PTDSS1: variants seen among roughly 807,000 people sequenced by gnomAD.
The protein encoded by PTDSS1 is phosphatidylserine synthase 1, also known as PSS-1.
A neutral mutation model predicts 70.5 loss-of-function variants in PTDSS1; 45 were observed. The observed-to-expected ratio is 0.64, with a 90% CI of 0.50 to 0.82. The LOEUF is 0.82. PTDSS1 is among the 40% of genes least tolerant of loss of function. PTDSS1 has a pLI of 0.00. For synonymous variants in PTDSS1, 188 were observed against 203.8 expected, an observed-to-expected ratio of 0.92 and a Z score of 0.66; for missense variants, 417 against 586.1, an observed-to-expected ratio of 0.71 and a Z score of 2.98.
Position 96,334,914 on chromosome 8 carries a change from G to A in PTDSS1, c.*1348G>A, listed in dbSNP as rs751994784. ...TTCACACAGCACAAAGGTTCGTTCT[G>A]ATGTTTCTTCTTCTTTAAGGAAATC... On this transcript the variant is annotated 3_prime_UTR_variant, in exon 13 of 13. Coordinates refer to ENST00000517309, the MANE Select transcript of PTDSS1 (RefSeq NM_014754.3). 2.6e-5 allele frequency: 4 copies of A among 152,086 alleles called. No individual in the cohort carries two copies. Among genetic ancestry groups the A allele is most frequent in the Non-Finnish European group, 5.9e-5 (4 of 68,008 alleles). The allele number at this position is 152,086 out of a possible 1,614,324, so 9.4% of individuals were successfully genotyped here.
chr8:96,281,594 C>T (rs542567379), intron 2 of PTDSS1, among the ~76,000 whole-genome samples: 101 of 152,294 alleles, frequency 6.6e-4, no homozygotes, highest in African/African-American at 2.4e-3. Flanking sequence ...AAAGCCTGCG[C>T]CATGCCTTTC....
At chr8:96,300,873 T>C (rs1421844457) in intron 6 of PTDSS1, among the ~76,000 whole-genome samples, 1 of 152,206 alleles carries the variant, frequency 6.6e-6, no homozygotes, top group African/African-American at 2.4e-5. Flanking sequence ...ATCGCCTTTT[T>C]TTTGGTAAAT....
chr8:96,328,966 G>C (rs568220956), intron 10 of PTDSS1, among the ~76,000 whole-genome samples: 1 of 152,304 alleles, frequency 6.6e-6, no homozygotes, highest in South Asian at 2.1e-4. Flanking sequence ...CCAGATCCGG[G>C]GGTTTCAAGA....
rs768603335 is a variant in PTDSS1, at chr8:96,262,239, C to CG, written c.179+26dup. ...TACCAGGTGGGGCGGCCCAGCCGAGCGGGGGGCGCGTCCAAGGGCTAGGGA... is the reference window on the plus strand; with the variant it reads ...TACCAGGTGGGGCGGCCCAGCCGAGCGGGGGGGCGCGTCCAAGGGCTAGGGA... On this transcript the variant is annotated intron_variant, in intron 1 of 12. Transcript: ENST00000517309. This position sits in a 1 kb window ranked among gnomAD's most constrained non-coding sequence, Gnocchi z 4.4. 3.7e-6 allele frequency: 4 copies of CG among 1,083,048 alleles called. No homozygotes were observed. The highest frequency in any genetic ancestry group is 1.8e-5 in the African/African-American group (1 of 55,052). The allele number at this position is 1,083,048 out of a possible 1,614,324, so 67.1% of individuals were successfully genotyped here. A position where few individuals can be genotyped will look rare whatever the true frequency, so the allele number is the denominator to read the frequency against.
chr8:96,297,911 G>A lies in PTDSS1; in HGVS notation c.601-1783G>A, dbSNP rs370855267. 2.6e-5 allele frequency among the ~76,000 whole-genome samples: 4 copies of A among 152,360 alleles called. No homozygotes were observed. The East Asian group carries it at 7.7e-4, about 29-fold the overall frequency. On this transcript the variant is annotated intron_variant, in intron 5 of 12. Transcript: ENST00000517309. Reference sequence around the variant, plus strand: ...TACATGGCAGATGCTCCACAAATCTGTAGTGAATGAAAGAATGCAGCCCCC... The same window carrying A: ...TACATGGCAGATGCTCCACAAATCTATAGTGAATGAAAGAATGCAGCCCCC...
chr8:96,320,202 G>A (rs1383612119), intron 9 of PTDSS1, 44 bp from the exon 10 acceptor site: 1 of 1,487,042 alleles, frequency 6.7e-7, no homozygotes, highest in Non-Finnish European at 9.4e-7. Context: ...TGTATGCTCT[G>A]GTAAGATGGA....
chr8:96,301,605 C>T lies in PTDSS1; in HGVS notation c.752+1760C>T, dbSNP rs567098655. Among the ~76,000 whole-genome samples, 21 of 152,010 alleles carry T rather than the reference C, an allele frequency of 1.4e-4. No individual in the cohort carries two copies. The East Asian group carries it at 1.9e-3, about 14-fold the overall frequency. ...CACAATCTCGGCTCACTGCAACCTC[C>T]GCCTCCCAGGTTCAAGCGATTTTCC... On this transcript the variant is annotated intron_variant, in intron 6 of 12. Transcript: ENST00000517309.
At chr8:96,317,071 G>GTGTGTGTGTA (rs33916906) in intron 9 of PTDSS1, among the ~76,000 whole-genome samples, 7,592 of 148,482 alleles carry the variant, frequency 0.051, 620 homozygotes, top group African/African-American at 0.18. Context: ...GTGTGTGTGT[G>GTGTGTGTGTA]TATATATATA....
intron 9 of PTDSS1, among the ~76,000 whole-genome samples, chr8:96,318,197 C>T (rs1159777016): frequency 3.3e-5 from 5 of 151,474 alleles, no homozygotes; most frequent in African/African-American, 1.2e-4. Flanking sequence ...TGGTGGCAGG[C>T]GCCTGTAGTC....
intron 7 of PTDSS1, 98 bp downstream of exon 7, chr8:96,304,279 G>A: frequency 7.4e-7 from 1 of 1,344,320 alleles, no homozygotes; most frequent in Non-Finnish European, 1.0e-6. Flanking sequence ...TTGCTTTTCA[G>A]CTCCATACTT....
At chr8:96,308,978 C>A (rs1811166320) in intron 8 of PTDSS1, among the ~76,000 whole-genome samples, 1 of 152,034 alleles carries the variant, frequency 6.6e-6, no homozygotes, top group South Asian at 2.1e-4. Context: ...TTTCTGAAAG[C>A]CAAAAATCTG....
At chr8:96,270,158 T>C (rs1810544571) in intron 1 of PTDSS1, among the ~76,000 whole-genome samples, 1 of 152,150 alleles carries the variant, frequency 6.6e-6, no homozygotes, top group Admixed American at 6.5e-5. Context: ...TAGCTTGTAC[T>C]TTGGGGCCAG....
chr8:96,309,693 C>G, intron 9 of PTDSS1, 71 bp downstream of exon 9: 1 of 1,485,302 alleles, frequency 6.7e-7, no homozygotes, highest in Non-Finnish European at 9.4e-7. Flanking sequence ...TTTCTTGACC[C>G]TGTGTTAAGA....
intron 2 of PTDSS1, among the ~76,000 whole-genome samples, chr8:96,282,403 A>G (rs1432545266): frequency 2.0e-5 from 3 of 152,210 alleles, no homozygotes; most frequent in African/African-American, 7.2e-5. Flanking sequence ...GATTTTGAAA[A>G]GGAATATAGG....
At chr8:96,300,639 T>C (rs1384416790) in intron 6 of PTDSS1, among the ~76,000 whole-genome samples, 4 of 152,232 alleles carry the variant, frequency 2.6e-5, no homozygotes, top group Non-Finnish European at 4.4e-5. Context: ...GTTGCTTCAA[T>C]TGTGTTTAAA....
In PTDSS1 at chr8:96,319,489, G is replaced by A. The variant is rs555672047; in HGVS notation, c.1074-757G>A. ...TTTAAAGGGGAAATAAGTGTGTGGCGTTTCTTAAAAAAAAACAAAAAATTT... is the reference window on the plus strand; with the variant it reads ...TTTAAAGGGGAAATAAGTGTGTGGCATTTCTTAAAAAAAAACAAAAAATTT... On this transcript the variant is annotated intron_variant, in intron 9 of 12. Coordinates refer to ENST00000517309, the MANE Select transcript of PTDSS1 (RefSeq NM_014754.3). Among the ~76,000 whole-genome samples, 957 of 126,102 alleles carry A rather than the reference G, an allele frequency of 7.6e-3. 15 individuals carry two copies. The highest frequency in any genetic ancestry group is 0.024 in the African/African-American group (897 of 37,444). The allele number at this position is 126,102 out of a possible 152,430, so 82.7% of individuals were successfully genotyped here.
chr8:96,322,246 T>G (rs892842695), intron 10 of PTDSS1, among the ~76,000 whole-genome samples: 51 of 152,214 alleles, frequency 3.4e-4, no homozygotes, highest in African/African-American at 9.2e-4. Flanking sequence ...GGTCCCTGTC[T>G]TAGTCCATTT....
intron 9 of PTDSS1, among the ~76,000 whole-genome samples, chr8:96,313,914 C>T (rs1432698612): frequency 6.6e-6 from 1 of 152,160 alleles, no homozygotes; most frequent in African/African-American, 2.4e-5. Flanking sequence ...CCTGTATTTC[C>T]TCTCACTTTT....
Position 96,267,818 on chromosome 8 carries a change from C to T in PTDSS1, c.180-5481C>T, listed in dbSNP as rs568958636. ...CCAACACCCAACACCCAGCAGGCCCCGGCAGCTCACGTGTCCCATACCTAG... is the reference window on the plus strand; with the variant it reads ...CCAACACCCAACACCCAGCAGGCCCTGGCAGCTCACGTGTCCCATACCTAG... On this transcript the variant is annotated intron_variant, in intron 1 of 12. Transcript: ENST00000517309. 3.3e-5 allele frequency among the ~76,000 whole-genome samples: 5 copies of T among 152,238 alleles called. No individual in the cohort carries two copies. The East Asian group carries it at 5.8e-4, about 18-fold the overall frequency.
Sources: gnomAD v4.1 joint callset for allele counts (sites outside exome capture counted in the v4.1 genomes callset) on GRCh38, gnomAD v4.1.1 for gene constraint, Gnocchi (gnomAD v3.1) non-coding constraint, MANE v1.5 for transcripts, NCBI Gene and HGNC (gene_info 2026-07-23, HGNC 2026-07-21) for gene names.